SUGCT: variants seen among roughly 807,000 people sequenced by gnomAD.
SUGCT encodes the protein succinyl-CoA:glutarate CoA-transferase.
A neutral mutation model predicts 55.0 loss-of-function variants in SUGCT; 41 were observed. The ratio of observed to expected loss-of-function variants is 0.74; its 90% confidence interval spans 0.58 to 0.97. The LOEUF (loss-of-function observed/expected upper bound fraction) is 0.97. Among genes scored for constraint, SUGCT ranks in the 50% least tolerant of loss-of-function variants. SUGCT has a pLI of 0.00. For synonymous variants in SUGCT, 187 were observed against 200.4 expected, an observed-to-expected ratio of 0.93 and a Z score of 0.56; for missense variants, 568 against 547.8, an observed-to-expected ratio of 1.04 and a Z score of -0.37.
chr7:40,648,650 C>T (rs940683575), intron 12 of SUGCT, among the ~76,000 whole-genome samples: 4 of 152,174 alleles, frequency 2.6e-5, no homozygotes, highest in Admixed American at 1.3e-4. Flanking sequence ...ACAAGGAGAG[C>T]GTTTTTGTCC....
chr7:40,460,852 T>C (rs2151449128), intron 11 of SUGCT, among the ~76,000 whole-genome samples: 1 of 152,218 alleles, frequency 6.6e-6, no homozygotes, highest in East Asian at 1.9e-4. Context: ...GTTATATTTT[T>C]ATTCAGACTT....
At chr7:40,287,954 T>C (rs977932293) in intron 8 of SUGCT, among the ~76,000 whole-genome samples, 8 of 152,208 alleles carry the variant, frequency 5.3e-5, no homozygotes, top group Non-Finnish European at 7.3e-5. Flanking sequence ...TTATATGTTA[T>C]TTGGTTATTG....
intron 12 of SUGCT, among the ~76,000 whole-genome samples, chr7:40,579,140 A>G (rs1796940075): frequency 6.6e-6 from 1 of 151,834 alleles, no homozygotes; most frequent in South Asian, 2.1e-4. Flanking sequence ...TTTTTTTTAA[A>G]TAACTTTTTG....
the SUGCT span, among the ~76,000 whole-genome samples, chr7:40,985,488 G>A: frequency 6.6e-6 from 1 of 152,152 alleles, no homozygotes. Flanking sequence ...GGGAGTAAAT[G>A]TGGGGGAAAA....
chr7:40,711,174 A>G (rs1328606963), intron 12 of SUGCT, among the ~76,000 whole-genome samples: 1 of 152,204 alleles, frequency 6.6e-6, no homozygotes, highest in African/African-American at 2.4e-5. Context: ...AGAGAGGACA[A>G]CTTTTCTTCA....
At chr7:40,456,491 TACTTTG>T (rs1232893739) in intron 10 of SUGCT, among the ~76,000 whole-genome samples, 1 of 152,178 alleles carries the variant, frequency 6.6e-6, no homozygotes, top group Non-Finnish European at 1.5e-5. Context: ...ACATTTAAAA[TACTTTG>T]ACTTTGTGAA....
chr7:40,606,171 A>G (rs1395718927), intron 12 of SUGCT, among the ~76,000 whole-genome samples: 1 of 152,214 alleles, frequency 6.6e-6, no homozygotes, highest in Non-Finnish European at 1.5e-5. Context: ...ACAAAAGAAG[A>G]AGGACAAAGA....
intron 12 of SUGCT, among the ~76,000 whole-genome samples, chr7:40,584,429 T>C (rs1797265173): frequency 6.6e-6 from 1 of 152,170 alleles, no homozygotes; most frequent in Non-Finnish European, 1.5e-5. Flanking sequence ...AAGTCTTCAT[T>C]TGAGTAGCTC....
intron 12 of SUGCT, among the ~76,000 whole-genome samples, chr7:40,628,046 T>TC (rs1031403942): frequency 6.6e-6 from 1 of 152,152 alleles, no homozygotes; most frequent in African/African-American, 2.4e-5. Context: ...TGCAGTAGGG[T>TC]CCCCCCTTAT....
chr7:40,817,495 G>A (rs1337668601), intron 13 of SUGCT, among the ~76,000 whole-genome samples: 1 of 152,198 alleles, frequency 6.6e-6, no homozygotes, highest in Non-Finnish European at 1.5e-5. Flanking sequence ...CTCACTGGGG[G>A]ATTTAGGATA....
At chr7:40,836,276 TTTG>T (rs1405996735) in intron 13 of SUGCT, among the ~76,000 whole-genome samples, 1 of 152,194 alleles carries the variant, frequency 6.6e-6, no homozygotes, top group Non-Finnish European at 1.5e-5. Flanking sequence ...TGCTTTTGTT[TTTG>T]TTGTCTTTTC....
chr7:40,397,747 A>C (rs1178584078), intron 9 of SUGCT, among the ~76,000 whole-genome samples: 2 of 152,192 alleles, frequency 1.3e-5, no homozygotes, highest in Non-Finnish European at 2.9e-5. Context: ...GAGGAGGAGA[A>C]AGAGCTTGCT....
chr7:41,029,602 T>C, the SUGCT span, among the ~76,000 whole-genome samples: 1 of 152,326 alleles, frequency 6.6e-6, no homozygotes, highest in East Asian at 1.9e-4. Flanking sequence ...AGACTTTACT[T>C]TCGGCAGTTT....
the SUGCT span, among the ~76,000 whole-genome samples, chr7:40,917,801 T>C: frequency 1.3e-5 from 2 of 152,172 alleles, no homozygotes; most frequent in Non-Finnish European, 2.9e-5. Flanking sequence ...GAGAAGAACC[T>C]CTGGCATCCC....
chr7:40,917,731 C>T, the SUGCT span, among the ~76,000 whole-genome samples: 6 of 152,098 alleles, frequency 3.9e-5, no homozygotes, highest in African/African-American at 2.4e-5. Flanking sequence ...TGGCCTTTGG[C>T]GAGGGCCCTC....
chr7:40,816,409 TGGGAG>T (rs1791673202), intron 13 of SUGCT, among the ~76,000 whole-genome samples: 3 of 152,228 alleles, frequency 2.0e-5, no homozygotes, highest in African/African-American at 7.2e-5. Context: ...CACTAGGGCT[TGGGAG>T]AAACAAAGTG....
intron 12 of SUGCT, among the ~76,000 whole-genome samples, chr7:40,510,770 A>AC (rs1307962606): frequency 6.6e-6 from 1 of 152,188 alleles, no homozygotes; most frequent in Non-Finnish European, 1.5e-5. Context: ...AAATGGTTGA[A>AC]TAAATAAATA....
At chr7:40,813,553 T>G (rs528063926) in intron 13 of SUGCT, among the ~76,000 whole-genome samples, 5 of 152,322 alleles carry the variant, frequency 3.3e-5, no homozygotes, top group South Asian at 2.1e-4. Context: ...TCTTTTTGCC[T>G]TCTTTTGTGT....
chr7:40,507,310 A>G (rs752887575), intron 12 of SUGCT, among the ~76,000 whole-genome samples: 4 of 152,148 alleles, frequency 2.6e-5, no homozygotes, highest in East Asian at 1.9e-4. Context: ...AGTCTTTCCA[A>G]TTGTTTTTAT....
Sources: gnomAD v4.1 joint callset for allele counts (sites outside exome capture counted in the v4.1 genomes callset) on GRCh38, gnomAD v4.1.1 for gene constraint, MANE v1.5 for transcripts, NCBI Gene and HGNC (gene_info 2026-07-23, HGNC 2026-07-21) for gene names.